Variants in FBXO4 observed in about 807,000 individuals in gnomAD.
The protein encoded by FBXO4 is F-box only protein 4.
FBXO4 carries 36 observed loss-of-function variants against 43.7 expected under a neutral mutation model. That is an observed-to-expected ratio of 0.82 (90% confidence interval 0.63 to 1.09). The LOEUF is 1.09. Among genes scored for constraint, FBXO4 ranks in the 50% least tolerant of loss-of-function variants. The pLI is 0.00. For missense variants in FBXO4, 435 were observed against 474.1 expected (o/e 0.92, Z 0.77); for synonymous variants, 180 against 165.6 (o/e 1.09, Z -0.67).
the FBXO4 span, among the ~76,000 whole-genome samples, chr5:42,032,912 G>A: frequency 6.6e-6 from 1 of 152,110 alleles, no homozygotes; most frequent in African/African-American, 2.4e-5. Context: ...TATCGCTGCT[G>A]GTTATTCAGT....
chr5:41,967,205 T>C, the FBXO4 span: 3 of 494,420 alleles, frequency 6.1e-6, no homozygotes, highest in Non-Finnish European at 1.2e-5. Context: ...AGCACTTTTT[T>C]TTTGTGGCAA....
In FBXO4 at chr5:41,941,358, A is replaced by C; in HGVS notation, c.*77A>C. 1 of 1,281,322 alleles carries C rather than the reference A, an allele frequency of 7.8e-7. No homozygotes were observed. The highest frequency in any genetic ancestry group is 2.4e-5 in the East Asian group (1 of 42,436). 79.4% of individuals were successfully genotyped at this position (1,281,322 alleles called of 1,614,324 possible). A position where few individuals can be genotyped will look rare whatever the true frequency, so the allele number is the denominator to read the frequency against. The stretch of plus-strand genomic sequence containing the variant: ...TCGTGATGTGAATATTTGCTCAGTC[A>C]GCCCACCTTGTCCTGCCTTTTTGCA... On this transcript the variant is annotated 3_prime_UTR_variant, in exon 7 of 7. Transcript: ENST00000281623.
At chr5:41,993,468 T>G in the FBXO4 span, among the ~76,000 whole-genome samples, 1,754 of 152,088 alleles carry the variant, frequency 0.012, 77 homozygotes, top group Admixed American at 0.074. Flanking sequence ...AGAAAACTTA[T>G]GATCAACTTT....
the FBXO4 span, among the ~76,000 whole-genome samples, chr5:42,035,588 A>G: frequency 1.3e-5 from 2 of 152,118 alleles, no homozygotes; most frequent in Non-Finnish European, 1.5e-5. Context: ...CCTTTAAATG[A>G]CAGGCTTATT....
At chr5:42,037,497 A>C in the FBXO4 span, among the ~76,000 whole-genome samples, 5 of 152,218 alleles carry the variant, frequency 3.3e-5, no homozygotes, top group African/African-American at 1.2e-4. Context: ...CTTGCAGTGC[A>C]TTCAGCATTA....
the FBXO4 span, among the ~76,000 whole-genome samples, chr5:42,031,999 T>C: frequency 2.6e-5 from 4 of 152,026 alleles, no homozygotes; most frequent in Admixed American, 6.6e-5. Context: ...TCTTGTTCTC[T>C]TCCCTTACTT....
At chr5:42,020,699 T>C in the FBXO4 span, among the ~76,000 whole-genome samples, 1 of 152,056 alleles carries the variant, frequency 6.6e-6, no homozygotes, top group African/African-American at 2.4e-5. Context: ...AAGAATGAAA[T>C]AGAAGAAACC....
the FBXO4 span, among the ~76,000 whole-genome samples, chr5:41,985,397 T>G: frequency 6.6e-6 from 1 of 152,158 alleles, no homozygotes; most frequent in Admixed American, 6.5e-5. Context: ...TTGAAAGAAA[T>G]AGGATTACAA....
At chr5:41,934,399 A>C in intron 5 of FBXO4, 91 bp downstream of exon 5, 4 of 1,565,822 alleles carry the variant, frequency 2.6e-6, no homozygotes, top group Non-Finnish European at 3.5e-6. Context: ...CTTCTTAAGA[A>C]TATGATGGCT....
At chr5:41,961,511 C>A in the FBXO4 span, among the ~76,000 whole-genome samples, 2 of 152,162 alleles carry the variant, frequency 1.3e-5, no homozygotes, top group East Asian at 3.9e-4. Context: ...GGGACCCCTG[C>A]TCCCCTGTCA....
In FBXO4 at chr5:41,938,433, GAGA is replaced by G. The variant is rs1449357964; in HGVS notation, c.899-1002_899-1000del. On this transcript the variant is annotated intron_variant, in intron 5 of 6. Coordinates refer to ENST00000281623, the MANE Select transcript of FBXO4 (RefSeq NM_012176.3). ...CAGTCCAAAAGAAGGTAGGCAAAGA[GAGA>G]AGAAGGAACAAAGAATAGACGGACA... Among the ~76,000 whole-genome samples the G allele has an allele frequency of 2.0e-5, 3 of 152,286 alleles. No individual in the cohort carries two copies. In the East Asian group the frequency reaches 5.8e-4, roughly 29 times the overall value.
intron 5 of FBXO4, chr5:41,934,845 T>G (rs1751808195): frequency 1.0e-6 from 1 of 988,514 alleles, no homozygotes; most frequent in Non-Finnish European, 1.2e-6. Flanking sequence ...GAATGCTATT[T>G]TTGTGTGAAA....
At chr5:41,988,671 C>T in the FBXO4 span, among the ~76,000 whole-genome samples, 1 of 152,154 alleles carries the variant, frequency 6.6e-6, no homozygotes, top group Admixed American at 6.5e-5. Flanking sequence ...CTGTGATTCT[C>T]TTTATTCACC....
chr5:42,040,319 G>A, the FBXO4 span, among the ~76,000 whole-genome samples: 3 of 151,868 alleles, frequency 2.0e-5, no homozygotes, highest in Non-Finnish European at 2.9e-5. Context: ...TTTTGGTTTC[G>A]TTTGTTTACT....
intron 1 of FBXO4, 47 bp downstream of exon 1, chr5:41,925,545 C>T: frequency 7.9e-7 from 1 of 1,270,954 alleles, no homozygotes; most frequent in Non-Finnish European, 1.0e-6. Flanking sequence ...CCGGCCCGGG[C>T]CGGAGGGACC....
chr5:41,988,163 T>C, the FBXO4 span, among the ~76,000 whole-genome samples: 2 of 152,188 alleles, frequency 1.3e-5, no homozygotes, highest in African/African-American at 2.4e-5. Flanking sequence ...TAGGTCTTAG[T>C]CTTTAGTGAG....
chr5:41,964,870 A>G, the FBXO4 span, among the ~76,000 whole-genome samples: 1 of 152,138 alleles, frequency 6.6e-6, no homozygotes, highest in East Asian at 1.9e-4. Context: ...TTTGCTGTGC[A>G]GAAGCTCTTT....
the FBXO4 span, among the ~76,000 whole-genome samples, chr5:41,990,877 G>T: frequency 6.6e-6 from 1 of 152,110 alleles, no homozygotes; most frequent in Non-Finnish European, 1.5e-5. Context: ...TACTACCAAA[G>T]AATATGCATT....
the FBXO4 span, among the ~76,000 whole-genome samples, chr5:41,960,245 A>T: frequency 6.6e-6 from 1 of 151,948 alleles, no homozygotes. Context: ...TAGTTTTAAC[A>T]GTTTTTTTTG....
Sources: allele counts gnomAD v4.1 joint callset (sites outside exome capture counted in the v4.1 genomes callset), GRCh38; gene constraint gnomAD v4.1.1; transcripts MANE v1.5; gene names NCBI Gene and HGNC (gene_info 2026-07-23, HGNC 2026-07-21).